DPP6: variants seen among roughly 807,000 people sequenced by gnomAD.
DPP6 encodes A-type potassium channel modulatory protein DPP6.
A neutral mutation model predicts 122.6 loss-of-function variants in DPP6; 69 were observed. That is an observed-to-expected ratio of 0.56 (90% CI 0.46 to 0.69). The LOEUF is 0.69. Among genes scored for constraint, DPP6 ranks in the 30% least tolerant of loss-of-function variants. The probability of loss-of-function intolerance (pLI) is 0.00; values close to 1 mark genes in which losing one functional copy is unlikely to be tolerated. For missense variants in DPP6, 928 were observed against 1,116.9 expected, an observed-to-expected ratio of 0.83 and a Z score of 2.41; for synonymous variants, 418 against 433.1, an observed-to-expected ratio of 0.97 and a Z score of 0.43.
At chr7:154,660,574 C>T (rs9642633) in intron 6 of DPP6, among the ~76,000 whole-genome samples, 112,504 of 117,048 alleles carry the variant, frequency 0.96, 54,268 homozygotes, top group Non-Finnish European at 0.99. Flanking sequence ...CATGGCGTAT[C>T]GGCCGTAGTG....
chr7:154,213,765 A>C (rs1226951033), intron 1 of DPP6, among the ~76,000 whole-genome samples: 1 of 152,088 alleles, frequency 6.6e-6, no homozygotes, highest in African/African-American at 2.4e-5. Flanking sequence ...AAATCATAGG[A>C]GCAGTCTTAG....
At chr7:154,132,468 T>C (rs1265575435) in intron 1 of DPP6, among the ~76,000 whole-genome samples, 5 of 152,024 alleles carry the variant, frequency 3.3e-5, no homozygotes, top group African/African-American at 1.2e-4. Context: ...CTTCACCTCA[T>C]TTACCCCATT....
chr7:154,858,786 C>T (rs918630772), intron 17 of DPP6, among the ~76,000 whole-genome samples: 9 of 152,172 alleles, frequency 5.9e-5, no homozygotes, highest in South Asian at 2.1e-4. Context: ...CCTTGAACTT[C>T]ACCCTCTAAT....
At chr7:154,060,853 G>A (rs1471747817) in intron 1 of DPP6, among the ~76,000 whole-genome samples, 1 of 135,950 alleles carries the variant, frequency 7.4e-6, no homozygotes, top group African/African-American at 2.8e-5. Context: ...TTCCCCCACT[G>A]GCTCTTAGGA....
chr7:154,496,769 C>T (rs1013466492), intron 3 of DPP6, among the ~76,000 whole-genome samples: 4 of 152,204 alleles, frequency 2.6e-5, no homozygotes, highest in African/African-American at 7.2e-5. Flanking sequence ...GAAACAGGAT[C>T]GAGGCCTTCC....
At chr7:154,623,381 C>G (rs1249911447) in intron 5 of DPP6, among the ~76,000 whole-genome samples, 1 of 152,222 alleles carries the variant, frequency 6.6e-6, no homozygotes, top group East Asian at 1.9e-4. Flanking sequence ...TAATTCTGGC[C>G]TGTGTGGTGG....
At chr7:154,446,402 CTAAG>C in intron 2 of DPP6, 74 bp downstream of exon 2, 2 of 1,009,128 alleles carry the variant, frequency 2.0e-6, no homozygotes, top group Non-Finnish European at 3.0e-6. Flanking sequence ...CAATTTTTTT[CTAAG>C]TAACTACCTA....
At chr7:153,894,070 C>A (rs548166013) in intron 1 of DPP6, among the ~76,000 whole-genome samples, 5 of 152,206 alleles carry the variant, frequency 3.3e-5, no homozygotes, top group African/African-American at 1.2e-4. Flanking sequence ...TTTCCCTGGC[C>A]CCGCAACTCA....
At chr7:154,727,506 A>G in intron 7 of DPP6, among the ~76,000 whole-genome samples, 1 of 152,212 alleles carries the variant, frequency 6.6e-6, no homozygotes, top group East Asian at 1.9e-4. Flanking sequence ...AGTAGCTAGA[A>G]GTATCAGACC....
chr7:154,820,049 A>C, intron 16 of DPP6, among the ~76,000 whole-genome samples: 1 of 152,176 alleles, frequency 6.6e-6, no homozygotes, highest in East Asian at 1.9e-4. Flanking sequence ...GCACTGCAAG[A>C]GGCCCCCTCA....
chr7:154,149,834 G>A (rs1375010662), intron 1 of DPP6, among the ~76,000 whole-genome samples: 1 of 152,012 alleles, frequency 6.6e-6, no homozygotes, highest in East Asian at 1.9e-4. Context: ...ACTCCCCACC[G>A]TGGTACCCCC....
the DPP6 span, among the ~76,000 whole-genome samples, chr7:153,777,245 C>T: frequency 6.6e-6 from 1 of 152,212 alleles, no homozygotes; most frequent in African/African-American, 2.4e-5. Context: ...GCTGACCACA[C>T]AAAGTTCAAG....
chr7:154,301,799 TTTTTTTTTTTTTTTG>T (rs930598044), intron 1 of DPP6, among the ~76,000 whole-genome samples: 11 of 94,094 alleles, frequency 1.2e-4, no homozygotes, highest in African/African-American at 6.2e-4. Context: ...TTTTTTTTTT[TTTTTTTTTTTTTTTG>T]TTGGAGACAG....
chr7:153,929,945 A>G (rs927966734), intron 1 of DPP6, among the ~76,000 whole-genome samples: 3 of 152,246 alleles, frequency 2.0e-5, no homozygotes, highest in African/African-American at 7.2e-5. Flanking sequence ...AGAGCACAGC[A>G]TGATGCAGAT....
intron 1 of DPP6, among the ~76,000 whole-genome samples, chr7:154,271,211 A>C (rs1295176035): frequency 6.6e-6 from 1 of 152,170 alleles, no homozygotes; most frequent in Non-Finnish European, 1.5e-5. Flanking sequence ...TTTTGTCTCT[A>C]CTGAGTTTAA....
chr7:153,988,772 A>G (rs1796975138), intron 1 of DPP6, among the ~76,000 whole-genome samples: 1 of 152,218 alleles, frequency 6.6e-6, no homozygotes, highest in African/African-American at 2.4e-5. Context: ...TCCAGCAGTG[A>G]GTCGGAGGAA....
At chr7:154,295,940 G>T (rs947668184) in intron 1 of DPP6, among the ~76,000 whole-genome samples, 17 of 121,202 alleles carry the variant, frequency 1.4e-4, no homozygotes, top group Admixed American at 2.9e-4. Flanking sequence ...ATAAACAGTT[G>T]CTTCTTTTTT....
chr7:154,213,282 A>G (rs1799833995), intron 1 of DPP6, among the ~76,000 whole-genome samples: 1 of 152,202 alleles, frequency 6.6e-6, no homozygotes, highest in Non-Finnish European at 1.5e-5. Context: ...CAATACTTTT[A>G]TTTCAGAATG....
chr7:153,836,190 C>T, the DPP6 span, among the ~76,000 whole-genome samples: 1 of 152,200 alleles, frequency 6.6e-6, no homozygotes. Context: ...AGGACGTTTG[C>T]CACGCTGGAG....
Sources: allele counts gnomAD v4.1 joint callset (sites outside exome capture counted in the v4.1 genomes callset), GRCh38; gene constraint gnomAD v4.1.1; transcripts MANE v1.5; gene names NCBI Gene and HGNC (gene_info 2026-07-23, HGNC 2026-07-21).